The following RUSC1 variants were observed in gnomAD, a reference collection of about 807,000 sequenced individuals.
RUSC1 encodes AP-4 complex accessory subunit RUSC1.
Under a neutral mutation model 72.1 loss-of-function variants are expected in RUSC1, and 40 were observed. That is an observed-to-expected ratio of 0.55 (90% CI 0.43 to 0.72). The LOEUF is 0.72. Ranked by LOEUF, RUSC1 falls within the 30% of genes least tolerant of loss-of-function variation. The probability of loss-of-function intolerance (pLI) is 0.00; values close to 1 mark genes in which losing one functional copy is unlikely to be tolerated. For missense variants in RUSC1, 1,092 were observed against 1,172.3 expected, an observed-to-expected ratio of 0.93 and a Z score of 1.00; for synonymous variants, 512 against 494.2, an observed-to-expected ratio of 1.04 and a Z score of -0.48.
intron 1 of RUSC1, chr1:155,321,475 C>T (rs574550542): frequency 1.2e-5 from 18 of 1,464,300 alleles, no homozygotes; most frequent in East Asian, 6.2e-5. Flanking sequence ...GTTCTCTGAC[C>T]CTCCCGGCTC....
chr1:155,324,550 C>T, intron 2 of RUSC1: 1 of 1,585,646 alleles, frequency 6.3e-7, no homozygotes, highest in Non-Finnish European at 8.5e-7. Flanking sequence ...GGGAGGTGAG[C>T]GCGGCCATCC....
In RUSC1 at chr1:155,326,720, C is replaced by G; in HGVS notation, c.2002C>G (p.His668Asp). 1 of 1,613,380 alleles carries G rather than the reference C, an allele frequency of 6.2e-7. No individual in the cohort carries two copies. Among genetic ancestry groups the G allele is most frequent in the African/African-American group, 1.3e-5 (1 of 75,066 alleles). The change falls in exon 8 of 10, where the codon CAC becomes GAC. Residue 668 changes from histidine (H) to aspartate (D), a missense_variant. Transcript: ENST00000368352. This position sits in a 1 kb window ranked among gnomAD's most constrained non-coding sequence, Gnocchi z 4.7. ...TFHLDLLFEH[H>D]HHLPLGPPQA... ...CCACCTGGACCTGCTCTTTGAGCAC[C>G]ACCACCACCTGCCCCTGGGCCCACC...
Position 155,321,064 on chromosome 1 carries a change from G to A in RUSC1, c.-87+73G>A, listed in dbSNP as rs764737054. The A allele has an allele frequency of 4.2e-6, 6 of 1,431,882 alleles. No homozygotes were observed. The South Asian group carries it at 4.5e-5, about 11-fold the overall frequency. 88.7% of individuals were successfully genotyped at this position (1,431,882 alleles called of 1,614,324 possible). ...AGGGGCGGGGCAGGACAAGGGAGCA[G>A]GAGAAATGAATAGAGAAAGGGTGCG... On this transcript the variant is annotated intron_variant, in intron 1 of 9. Transcript: ENST00000368352.
In RUSC1 at chr1:155,325,774, C is replaced by A. The variant is rs567293107; in HGVS notation, c.1815-90C>A. On this transcript the variant is annotated intron_variant, in intron 6 of 9. Transcript: ENST00000368352. The surrounding 1 kb of genome is among the most constrained non-coding windows in gnomAD (Gnocchi z 6.5). ...GCCTCACATCCCCAGAGAAGGCCCC[C>A]CCTCTTCCAATCTCATCTCCCATCC... is the stretch of plus-strand genomic sequence containing the variant. 1 of 1,582,352 alleles carries A rather than the reference C, an allele frequency of 6.3e-7. No homozygotes were observed. Among genetic ancestry groups the A allele is most frequent in the Non-Finnish European group, 8.7e-7 (1 of 1,151,866 alleles).
intron 2 of RUSC1, chr1:155,324,520 C>G: frequency 6.3e-7 from 1 of 1,597,854 alleles, no homozygotes; most frequent in Non-Finnish European, 8.5e-7. Context: ...TCCCGCCCTA[C>G]AGGCCCTAGC....
rs531593135 is a variant in RUSC1 at position 155,322,835 on chromosome 1, C to T, written c.1062C>T (p.Pro354=). The T allele has an allele frequency of 1.1e-4, 180 of 1,613,318 alleles. 4 individuals carry two copies. In the South Asian group the frequency reaches 1.4e-3, roughly 13 times the overall value. Residue 354 remains proline, a synonymous_variant, in exon 2 of 10, where the codon CCC becomes CCT. Coordinates refer to ENST00000368352, the MANE Select transcript of RUSC1 (RefSeq NM_001105203.2). ...TCTCGCCCGACACCGAGCTCCCCCC[C>T]TCGGGGTCGCCGGGCGGCTCCTCGG... is the stretch of plus-strand genomic sequence containing the variant. ...IVFSPDTELP[P]SGSPGGSSAP... is the part of the protein sequence containing the mutation.
chr1:155,322,772 G>A lies in RUSC1; in HGVS notation c.999G>A (p.Pro333=). 1 of 1,613,582 alleles carries A rather than the reference G, an allele frequency of 6.2e-7. No individual in the cohort carries two copies. Among genetic ancestry groups the A allele is most frequent in the Non-Finnish European group, 8.5e-7 (1 of 1,179,636 alleles). ...GGGGCCCAGGGCTGCCCCTTGTCCC[G>A]CAGGCGAAGAAAGATCGCAGTGACT... ...RKRGPGLPLV[P]QAKKDRSDWL... Residue 333 remains proline (P), a synonymous_variant, in exon 2 of 10, where the codon CCG becomes CCA. Transcript: ENST00000368352.
At chr1:155,328,126 G>A (rs371691230) in intron 8 of RUSC1, 24 bp from the exon 9 acceptor site, 17 of 1,607,322 alleles carry the variant, frequency 1.1e-5, no homozygotes, top group Non-Finnish European at 1.1e-5. Flanking sequence ...GGGTTGAGCT[G>A]TGACCCTATG....
At position 155,322,760 on chromosome 1, in the gene RUSC1, G is replaced by A. The variant is rs1650716934; in HGVS notation, c.987G>A (p.Leu329=). The change falls in exon 2 of 10, where the codon CTG becomes CTA. Residue 329 remains leucine (L), a synonymous_variant. Transcript: ENST00000368352. ...AGAAGCGCAAGCGGGGCCCAGGGCT[G>A]CCCCTTGTCCCGCAGGCGAAGAAAG... ...LAQKRKRGPG[L]PLVPQAKKDR... The A allele has an allele frequency of 1.2e-6, 2 of 1,613,810 alleles. No individual in the cohort carries two copies. Among genetic ancestry groups the A allele is most frequent in the Non-Finnish European group, 1.7e-6 (2 of 1,179,882 alleles).
Position 155,325,838 on chromosome 1 carries a change from C to T in RUSC1, c.1815-26C>T, listed in dbSNP as rs1651331611. 1 of 1,613,840 alleles carries T rather than the reference C, an allele frequency of 6.2e-7. No homozygotes were observed. The highest frequency in any genetic ancestry group is 1.3e-5 in the African/African-American group (1 of 74,896). On this transcript the variant is annotated intron_variant, in intron 6 of 9. Coordinates refer to ENST00000368352, the MANE Select transcript of RUSC1 (RefSeq NM_001105203.2). The surrounding 1 kb of genome is among the most constrained non-coding windows in gnomAD (Gnocchi z 6.5). Reference sequence around the variant, plus strand: ...GACTGGAGTCCTCCACCTCCCTGAACTTCCATTCCCTCTTTTCTCCCCTAG... The same window carrying T: ...GACTGGAGTCCTCCACCTCCCTGAATTTCCATTCCCTCTTTTCTCCCCTAG...
Position 155,326,284 on chromosome 1 carries a change from C to T in RUSC1, c.1862-296C>T. Reference sequence around the variant, plus strand: ...GCCCTACCTCTACCCTCGGACTAGGCCAACCCCCACGCCTCATTTTGTATG... The same window carrying T: ...GCCCTACCTCTACCCTCGGACTAGGTCAACCCCCACGCCTCATTTTGTATG... On this transcript the variant is annotated intron_variant, in intron 7 of 9. Transcript: ENST00000368352. The surrounding 1 kb of genome is among the most constrained non-coding windows in gnomAD (Gnocchi z 4.7). 2 of 548,856 alleles carry T rather than the reference C, an allele frequency of 3.6e-6. No individual in the cohort carries two copies. Among genetic ancestry groups the T allele is most frequent in the East Asian group, 3.1e-5 (1 of 32,602 alleles). 34.0% of individuals were successfully genotyped at this position (548,856 alleles called of 1,614,324 possible). A position where few individuals can be genotyped will look rare whatever the true frequency, so the allele number is the denominator to read the frequency against.
At position 155,322,364 on chromosome 1, in the gene RUSC1, G is replaced by A. The variant is rs767389723; in HGVS notation, c.591G>A (p.Glu197=). Residue 197 remains glutamate, a synonymous_variant, in exon 2 of 10, where the codon GAG becomes GAA. Transcript: ENST00000368352. ...TCQDVPSPGL[E]EEDERAEQDL... ...AGGACGTCCCTTCCCCAGGCTTGGA[G>A]GAAGAGGACGAGAGGGCGGAGCAGG... 2 of 1,613,896 alleles carry A rather than the reference G, an allele frequency of 1.2e-6. No individual in the cohort carries two copies. The highest frequency in any genetic ancestry group is 1.1e-5 in the South Asian group (1 of 91,084).
At position 155,330,674 on chromosome 1, in the gene RUSC1, T is replaced by G; in HGVS notation, c.*103T>G. 8.8e-7 allele frequency: 1 copy of G among 1,138,030 alleles called. No individual in the cohort carries two copies. The highest frequency in any genetic ancestry group is 1.2e-6 in the Non-Finnish European group (1 of 824,324). The allele number at this position is 1,138,030 out of a possible 1,614,324, so 70.5% of individuals were successfully genotyped here. ...GCATTTTCCCTCTGCAAAATGACGT[T>G]TCTTCCCACGTCTGTTTCTGCTAAT... On this transcript the variant is annotated 3_prime_UTR_variant, in exon 10 of 10. Coordinates refer to ENST00000368352, the MANE Select transcript of RUSC1 (RefSeq NM_001105203.2).
In RUSC1 at chr1:155,324,094, G is replaced by A. The variant is rs932389752; in HGVS notation, c.1358-751G>A. On this transcript the variant is annotated intron_variant, in intron 2 of 9. Coordinates refer to ENST00000368352, the MANE Select transcript of RUSC1 (RefSeq NM_001105203.2). ...CGGGCTTACCCAGCCTCCATGCCAAGTCTAGGGGGTCCCAGCGAGTCTGTT... is the reference window on the plus strand; with the variant it reads ...CGGGCTTACCCAGCCTCCATGCCAAATCTAGGGGGTCCCAGCGAGTCTGTT... 1.9e-5 allele frequency: 23 copies of A among 1,181,534 alleles called. No homozygotes were observed. The African/African-American group carries it at 3.3e-4, about 17-fold the overall frequency. The allele number at this position is 1,181,534 out of a possible 1,614,324, so 73.2% of individuals were successfully genotyped here.
intron 9 of RUSC1, among the ~76,000 whole-genome samples, chr1:155,330,137 G>C (rs537821589): frequency 2.0e-5 from 3 of 152,138 alleles, no homozygotes; most frequent in African/African-American, 7.2e-5. Flanking sequence ...TTGAGGGTGA[G>C]TCATTTCATT....
In RUSC1 at chr1:155,322,436, C is replaced by T. The variant is rs1436824087; in HGVS notation, c.663C>T (p.Asp221=). The change falls in exon 2 of 10, where the codon GAC becomes GAT. Residue 221 remains aspartate (D), a synonymous_variant. Transcript: ENST00000368352. ...ELLEADDGKI[D]AGKTEPSWKI... ...TAGAGGCGGATGATGGGAAAATCGA[C>T]GCTGGGAAAACGGAGCCCAGTTGGA... 1.9e-6 allele frequency: 3 copies of T among 1,614,078 alleles called. No individual in the cohort carries two copies. In the Admixed American group the frequency reaches 5.0e-5, roughly 27 times the overall value.
intron 2 of RUSC1, chr1:155,324,448 A>C (rs771513900): frequency 1.2e-6 from 2 of 1,612,610 alleles, no homozygotes; most frequent in South Asian, 1.1e-5. Context: ...GGGGCTCCGC[A>C]GGCAGGACTG....
At position 155,326,000 on chromosome 1, in the gene RUSC1, G is replaced by A; in HGVS notation, c.1861+90G>A. ...CTCCTGCTGGTTCCCACTGCTGCCA[G>A]AATGCCATTAATCCAGATCTCCGAT... On this transcript the variant is annotated intron_variant, in intron 7 of 9. Coordinates refer to ENST00000368352, the MANE Select transcript of RUSC1 (RefSeq NM_001105203.2). This position sits in a 1 kb window ranked among gnomAD's most constrained non-coding sequence, Gnocchi z 6.5. 7.6e-7 allele frequency: 1 copy of A among 1,314,662 alleles called. No homozygotes were observed. The highest frequency in any genetic ancestry group is 1.1e-6 in the Non-Finnish European group (1 of 908,274). The allele number at this position is 1,314,662 out of a possible 1,614,324, so 81.4% of individuals were successfully genotyped here.
At chr1:155,329,934 G>A (rs1479452586) in intron 9 of RUSC1, among the ~76,000 whole-genome samples, 1 of 133,166 alleles carries the variant, frequency 7.5e-6, no homozygotes, top group Non-Finnish European at 1.5e-5. Context: ...CTGGACAACA[G>A]AGACTGACTC....
Sources: gnomAD v4.1 joint callset for allele counts (sites outside exome capture counted in the v4.1 genomes callset) on GRCh38, gnomAD v4.1.1 for gene constraint, Gnocchi (gnomAD v3.1) non-coding constraint, MANE v1.5 for transcripts, NCBI Gene and HGNC (gene_info 2026-07-23, HGNC 2026-07-21) for gene names.